The following CACNA2D3 variants were observed in gnomAD, a reference collection of about 807,000 sequenced individuals.
The protein encoded by CACNA2D3 is voltage-dependent calcium channel subunit alpha-2/delta-3.
A neutral mutation model predicts 160.6 loss-of-function variants in CACNA2D3; 60 were observed. That is an observed-to-expected ratio of 0.37 (90% CI 0.30 to 0.46). The LOEUF is 0.46. Ranked by LOEUF, CACNA2D3 falls within the 20% of genes least tolerant of loss-of-function variation. The pLI is 1.00. For synonymous variants in CACNA2D3, 558 were observed against 492.9 expected, an observed-to-expected ratio of 1.13 and a Z score of -1.75; for missense variants, 1,205 against 1,365.0, an observed-to-expected ratio of 0.88 and a Z score of 1.85.
At chr3:54,466,991 G>C (rs1410645731) in intron 4 of CACNA2D3, among the ~76,000 whole-genome samples, 2 of 152,158 alleles carry the variant, frequency 1.3e-5, no homozygotes, top group Non-Finnish European at 2.9e-5. Flanking sequence ...GTACCATTCA[G>C]TTCTCAATAC....
chr3:54,730,173 C>A (rs927233405), intron 11 of CACNA2D3, among the ~76,000 whole-genome samples: 1 of 152,186 alleles, frequency 6.6e-6, no homozygotes, highest in Non-Finnish European at 1.5e-5. Context: ...ATCTTTGACA[C>A]TTACATGTTC....
In CACNA2D3 at chr3:54,984,267, C is replaced by A. The variant is rs561859769; in HGVS notation, c.2557-341C>A. Among the ~76,000 whole-genome samples the A allele has an allele frequency of 4.0e-5, 6 of 151,614 alleles. No homozygotes were observed. The South Asian group carries it at 1.3e-3, about 32-fold the overall frequency. ...CAATACAGGCTTGGGGGCTTCTGAG[C>A]ACTTTGTTCCTGGGAAATATTATTC... On this transcript the variant is annotated intron_variant, in intron 29 of 37. Transcript: ENST00000474759.
At chr3:54,907,095 A>G (rs1296310692) in intron 27 of CACNA2D3, among the ~76,000 whole-genome samples, 1 of 152,088 alleles carries the variant, frequency 6.6e-6, no homozygotes, top group Non-Finnish European at 1.5e-5. Context: ...CGCGCCCTCC[A>G]CTCAAAAATG....
chr3:54,371,319 A>G (rs892099339), intron 3 of CACNA2D3, among the ~76,000 whole-genome samples: 1 of 152,150 alleles, frequency 6.6e-6, no homozygotes. Context: ...TTACATTTCT[A>G]GGAACACTTT....
intron 3 of CACNA2D3, among the ~76,000 whole-genome samples, chr3:54,321,989 A>G (rs915467954): frequency 2.0e-5 from 3 of 151,728 alleles, no homozygotes; most frequent in Admixed American, 6.6e-5. Flanking sequence ...TTATTTTAGC[A>G]TGCATTTCTT....
chr3:54,362,636 C>T (rs990304766), intron 3 of CACNA2D3, among the ~76,000 whole-genome samples: 72 of 152,294 alleles, frequency 4.7e-4, no homozygotes, highest in South Asian at 1.2e-3. Context: ...GGTTGTATTT[C>T]TAGTCTAGAG....
chr3:54,620,802 C>G (rs1698969430), intron 9 of CACNA2D3, among the ~76,000 whole-genome samples: 2 of 152,198 alleles, frequency 1.3e-5, no homozygotes, highest in African/African-American at 4.8e-5. Flanking sequence ...ACTCTGCTGT[C>G]TTGACCTTTC....
At chr3:54,407,932 T>C (rs1699604556) in intron 4 of CACNA2D3, among the ~76,000 whole-genome samples, 1 of 152,198 alleles carries the variant, frequency 6.6e-6, no homozygotes, top group Non-Finnish European at 1.5e-5. Flanking sequence ...AGGTGATTTC[T>C]AAGATCTCAT....
intron 2 of CACNA2D3, among the ~76,000 whole-genome samples, chr3:54,240,163 C>T (rs941730477): frequency 3.3e-5 from 5 of 152,116 alleles, no homozygotes; most frequent in African/African-American, 1.2e-4. Context: ...GAATAGTCAA[C>T]CCATCAAGAC....
At chr3:54,432,074 GA>G (rs1190131185) in intron 4 of CACNA2D3, among the ~76,000 whole-genome samples, 1 of 151,952 alleles carries the variant, frequency 6.6e-6, no homozygotes, top group African/African-American at 2.4e-5. Context: ...TGTAATGGTG[GA>G]AAAAATATAC....
At chr3:54,123,475 G>A in intron 1 of CACNA2D3, 38 bp from the exon 2 acceptor site, 1 of 1,425,738 alleles carries the variant, frequency 7.0e-7, no homozygotes, top group East Asian at 2.3e-5. Flanking sequence ...ACTGTGACAC[G>A]GGTGTTACAT....
chr3:54,658,318 C>T (rs1410633374), intron 11 of CACNA2D3, among the ~76,000 whole-genome samples: 4 of 152,188 alleles, frequency 2.6e-5, no homozygotes, highest in Non-Finnish European at 5.9e-5. Context: ...AAGTGTTCTT[C>T]CTTTTTCTCA....
intron 2 of CACNA2D3, among the ~76,000 whole-genome samples, chr3:54,181,808 T>C (rs1700789015): frequency 6.6e-6 from 1 of 152,184 alleles, no homozygotes. Flanking sequence ...TGATTCCCTG[T>C]TTTGGCCCAG....
chr3:54,316,809 A>T (rs1312761667), intron 2 of CACNA2D3, among the ~76,000 whole-genome samples: 2 of 152,240 alleles, frequency 1.3e-5, no homozygotes, highest in Non-Finnish European at 2.9e-5. Context: ...GTTAGAGTTC[A>T]ATAAATCGAT....
intron 2 of CACNA2D3, among the ~76,000 whole-genome samples, chr3:54,314,653 C>T (rs753378357): frequency 1.3e-5 from 2 of 152,144 alleles, no homozygotes; most frequent in Non-Finnish European, 2.9e-5. Flanking sequence ...TTTTTCTGAT[C>T]ATTAGTGATG....
intron 11 of CACNA2D3, among the ~76,000 whole-genome samples, chr3:54,656,806 C>T (rs537308831): frequency 6.6e-6 from 1 of 152,238 alleles, no homozygotes; most frequent in African/African-American, 2.4e-5. Flanking sequence ...AACCCTTCCC[C>T]CTTCCCCAGT....
intron 5 of CACNA2D3, among the ~76,000 whole-genome samples, chr3:54,556,416 A>C (rs1165732161): frequency 6.6e-6 from 1 of 152,168 alleles, no homozygotes; most frequent in African/African-American, 2.4e-5. Context: ...CGAGCACCAG[A>C]GATTAAGAGA....
chr3:55,022,228 A>G (rs1005304176), intron 35 of CACNA2D3, among the ~76,000 whole-genome samples: 2 of 152,066 alleles, frequency 1.3e-5, no homozygotes, highest in Non-Finnish European at 2.9e-5. Flanking sequence ...CTCTTTATAC[A>G]TGAAAGTGCT....
chr3:54,677,391 A>G (rs1211831847), intron 11 of CACNA2D3, among the ~76,000 whole-genome samples: 5 of 152,216 alleles, frequency 3.3e-5, no homozygotes, highest in Non-Finnish European at 4.4e-5. Context: ...TATTTGAACT[A>G]AGGCAAAAAT....
Sources: allele counts gnomAD v4.1 joint callset (sites outside exome capture counted in the v4.1 genomes callset), GRCh38; gene constraint gnomAD v4.1.1; transcripts MANE v1.5; gene names NCBI Gene and HGNC (gene_info 2026-07-23, HGNC 2026-07-21).